The following LOC122539214 variants were observed in gnomAD, a reference collection of about 807,000 sequenced individuals.
chr19:52,673,984 G>T, the LOC122539214 span, among the ~76,000 whole-genome samples: 2 of 131,586 alleles, frequency 1.5e-5, no homozygotes, highest in Non-Finnish European at 3.1e-5. Context: ...CCACTGCCCT[G>T]CAGCCTGGGT....
the LOC122539214 span, among the ~76,000 whole-genome samples, chr19:52,684,909 G>C: frequency 1.3e-5 from 2 of 152,192 alleles, no homozygotes; most frequent in African/African-American, 4.8e-5. Flanking sequence ...GTGAGGAGTT[G>C]GGCTTTTGTC....
the LOC122539214 span, chr19:52,653,056 C>A: frequency 6.7e-7 from 1 of 1,486,928 alleles, no homozygotes; most frequent in Non-Finnish European, 9.3e-7. Flanking sequence ...ACATTCATTA[C>A]ACTTGTAAGG....
chr19:52,680,915 A>T, the LOC122539214 span, among the ~76,000 whole-genome samples: 17 of 151,582 alleles, frequency 1.1e-4, no homozygotes, highest in Non-Finnish European at 2.2e-4. Context: ...CCCGGCCTCC[A>T]CAAAATATTT....
At chr19:52,685,520 T>C in the LOC122539214 span, among the ~76,000 whole-genome samples, 1 of 152,142 alleles carries the variant, frequency 6.6e-6, no homozygotes, top group Admixed American at 6.6e-5. Flanking sequence ...AATGCAGAAG[T>C]GTGAACACAC....
At chr19:52,682,131 C>A in the LOC122539214 span, among the ~76,000 whole-genome samples, 4 of 152,214 alleles carry the variant, frequency 2.6e-5, no homozygotes, top group African/African-American at 7.2e-5. Flanking sequence ...CGGGCATGAG[C>A]CACCGTGCCT....
the LOC122539214 span, among the ~76,000 whole-genome samples, chr19:52,676,895 A>G: frequency 7.4e-6 from 1 of 136,028 alleles, no homozygotes. Flanking sequence ...GGGTGGTGCA[A>G]GATGTGCTTT....
the LOC122539214 span, among the ~76,000 whole-genome samples, chr19:52,669,049 T>C: frequency 2.5e-3 from 373 of 150,132 alleles, 1 homozygote; most frequent in Non-Finnish European, 3.5e-3. Flanking sequence ...TTAAAATTTT[T>C]CAAAAGTTTA....
the LOC122539214 span, among the ~76,000 whole-genome samples, chr19:52,685,224 C>T: frequency 1.3e-5 from 2 of 152,124 alleles, no homozygotes; most frequent in African/African-American, 2.4e-5. Context: ...TCTGGTCTAG[C>T]CCCTCATCTC....
chr19:52,677,698 TGAA>T, the LOC122539214 span, among the ~76,000 whole-genome samples: 1 of 49,366 alleles, frequency 2.0e-5, no homozygotes, highest in South Asian at 4.1e-4. Context: ...ACCACAGGCG[TGAA>T]GAATGATCCC....
At chr19:52,659,794 C>T in the LOC122539214 span, among the ~76,000 whole-genome samples, 60,028 of 151,866 alleles carry the variant, frequency 0.4, 12,433 homozygotes, top group African/African-American at 0.48. Flanking sequence ...TAACAAACAA[C>T]ATCATAATAA....
At chr19:52,665,378 C>G in the LOC122539214 span, among the ~76,000 whole-genome samples, 1 of 151,904 alleles carries the variant, frequency 6.6e-6, no homozygotes, top group African/African-American at 2.4e-5. Flanking sequence ...GTAAGACCCT[C>G]TACCCCAGAG....
At chr19:52,669,491 G>A in the LOC122539214 span, among the ~76,000 whole-genome samples, 1 of 152,176 alleles carries the variant, frequency 6.6e-6, no homozygotes, top group East Asian at 1.9e-4. Context: ...AGATGTCTTG[G>A]GAAAATGGGA....
chr19:52,657,039 C>T, the LOC122539214 span, among the ~76,000 whole-genome samples: 3 of 151,822 alleles, frequency 2.0e-5, no homozygotes, highest in Admixed American at 2.0e-4. Flanking sequence ...TTGCTTGAGC[C>T]TGGAGAGCAG....
the LOC122539214 span, chr19:52,655,161 T>G: frequency 2.2e-5 from 4 of 185,406 alleles, no homozygotes; most frequent in Admixed American, 1.1e-4. Flanking sequence ...CACTCCAGCC[T>G]GAGCAAGAGA....
the LOC122539214 span, among the ~76,000 whole-genome samples, chr19:52,659,180 C>G: frequency 1.3e-5 from 2 of 151,964 alleles, no homozygotes; most frequent in Admixed American, 6.6e-5. Flanking sequence ...ACAGACCCCC[C>G]ACAGTTCAAG....
the LOC122539214 span, among the ~76,000 whole-genome samples, chr19:52,685,196 T>A: frequency 6.6e-6 from 1 of 152,224 alleles, no homozygotes; most frequent in East Asian, 1.9e-4. Flanking sequence ...GGGGCCAGGG[T>A]CACTCAGGGT....
the LOC122539214 span, among the ~76,000 whole-genome samples, chr19:52,677,075 A>G: frequency 6.7e-6 from 1 of 148,346 alleles, no homozygotes; most frequent in African/African-American, 2.5e-5. Flanking sequence ...CTGTTGTCCT[A>G]TGACCCTGCC....
the LOC122539214 span, among the ~76,000 whole-genome samples, chr19:52,663,262 A>T: frequency 6.6e-6 from 1 of 152,154 alleles, no homozygotes; most frequent in Admixed American, 6.5e-5. Context: ...AATCCTAAAC[A>T]TGCAATTATT....
At chr19:52,665,604 T>A in the LOC122539214 span, among the ~76,000 whole-genome samples, 3 of 152,174 alleles carry the variant, frequency 2.0e-5, no homozygotes, top group Non-Finnish European at 1.5e-5. Context: ...TAAAGCAACC[T>A]TTTTTAATCA....
Sources: allele counts gnomAD v4.1 joint callset (sites outside exome capture counted in the v4.1 genomes callset), GRCh38; gene constraint gnomAD v4.1.1; transcripts MANE v1.5.